CCSER2: variants seen among roughly 807,000 people sequenced by gnomAD.
The protein encoded by CCSER2 is serine-rich coiled-coil domain-containing protein 2.
In CCSER2, 46 loss-of-function variants were observed where a neutral mutation model predicts 92.3. That is an observed-to-expected ratio of 0.50 (90% CI 0.39 to 0.64). The LOEUF (loss-of-function observed/expected upper bound fraction) is 0.64, where lower values mean the gene tolerates loss of function less well. Among genes scored for constraint, CCSER2 ranks in the 30% least tolerant of loss-of-function variants. The probability of loss-of-function intolerance (pLI) is 0.00; values close to 1 mark genes in which losing one functional copy is unlikely to be tolerated. For synonymous variants in CCSER2, 433 were observed against 431.4 expected (o/e 1.00, Z -0.04); for missense variants, 1,244 against 1,238.9 (o/e 1.00, Z -0.06).
chr10:84,442,231 A>G (rs1313022587), intron 6 of CCSER2, among the ~76,000 whole-genome samples: 1 of 152,184 alleles, frequency 6.6e-6, no homozygotes, highest in Non-Finnish European at 1.5e-5. Flanking sequence ...TTAGTGTCCT[A>G]AAAAGATGGT....
chr10:84,457,409 T>A lies in CCSER2; in HGVS notation c.2065-6524T>A, dbSNP rs1380680274. On this transcript the variant is annotated intron_variant, in intron 6 of 9. Coordinates refer to ENST00000372088, the MANE Select transcript of CCSER2 (RefSeq NM_001284240.2). ...TATATATTTATTTAAATATATATTT[T>A]AAAAAATATATTTAAAATTATATTT... 2.6e-4 allele frequency among the ~76,000 whole-genome samples: 19 copies of A among 72,644 alleles called. No homozygotes were observed. In the East Asian group the frequency reaches 4.4e-3, roughly 17 times the overall value. The allele number at this position is 72,644 out of a possible 152,430, so 47.7% of individuals were successfully genotyped here. A position where few individuals can be genotyped will look rare whatever the true frequency, so the allele number is the denominator to read the frequency against.
intron 3 of CCSER2, among the ~76,000 whole-genome samples, chr10:84,384,359 C>T (rs1272129627): frequency 1.3e-5 from 2 of 152,092 alleles, no homozygotes; most frequent in Non-Finnish European, 2.9e-5. Context: ...TTGATGAACA[C>T]ACATGCAAAA....
chr10:84,404,562 A>T (rs1842282150), intron 3 of CCSER2, among the ~76,000 whole-genome samples: 1 of 152,218 alleles, frequency 6.6e-6, no homozygotes, highest in South Asian at 2.1e-4. Flanking sequence ...CTGGTGGGCC[A>T]CCACAGTCGA....
chr10:84,347,966 A>C (rs932939860), intron 1 of CCSER2, among the ~76,000 whole-genome samples: 42 of 151,758 alleles, frequency 2.8e-4, no homozygotes, highest in Non-Finnish European at 3.7e-4. Flanking sequence ...CTCACTTCCC[A>C]GACTGGGCAG....
At chr10:84,347,236 C>A (rs1185569608) in intron 1 of CCSER2, among the ~76,000 whole-genome samples, 16 of 152,248 alleles carry the variant, frequency 1.1e-4, no homozygotes, top group Admixed American at 1.0e-3. Flanking sequence ...ACCTTTCCCC[C>A]TTTTCTATTT....
At chr10:84,434,743 A>G (rs1446843816) in intron 5 of CCSER2, among the ~76,000 whole-genome samples, 3 of 152,134 alleles carry the variant, frequency 2.0e-5, no homozygotes, top group Admixed American at 2.0e-4. Flanking sequence ...ATATTACCTC[A>G]TTTAAGTCTT....
Position 84,468,742 on chromosome 10 carries a change from A to G in CCSER2, c.2149-1630A>G, listed in dbSNP as rs150189705. ...ATTGTAAACTTGTTAACTTTCAGAT[A>G]ACACCTTGTTATAGGTTTTCTCTTT... On this transcript the variant is annotated intron_variant, in intron 7 of 9. Transcript: ENST00000372088. Among the ~76,000 whole-genome samples the G allele has an allele frequency of 8.5e-4, 128 of 151,102 alleles. 1 individual carries two copies. Among genetic ancestry groups the G allele is most frequent in the Middle Eastern group, 3.4e-3 (1 of 294 alleles).
At chr10:84,489,336 G>A (rs1242738122) in intron 9 of CCSER2, among the ~76,000 whole-genome samples, 2 of 152,074 alleles carry the variant, frequency 1.3e-5, no homozygotes, top group African/African-American at 2.4e-5. Context: ...TTGACAGTGG[G>A]GTGTTAAAGT....
At chr10:84,346,317 G>A (rs1398158808) in intron 1 of CCSER2, among the ~76,000 whole-genome samples, 2 of 151,972 alleles carry the variant, frequency 1.3e-5, no homozygotes, top group Non-Finnish European at 2.9e-5. Flanking sequence ...GCCTACCTTG[G>A]CCTCCCAAAG....
intron 8 of CCSER2, among the ~76,000 whole-genome samples, chr10:84,476,613 T>G (rs1847163355): frequency 6.6e-6 from 1 of 151,752 alleles, no homozygotes. Flanking sequence ...CCGGCAAATT[T>G]TTTGTATTTT....
intron 9 of CCSER2, among the ~76,000 whole-genome samples, chr10:84,504,599 C>G (rs1848948042): frequency 6.6e-6 from 1 of 152,146 alleles, no homozygotes. Context: ...GATAATCTTT[C>G]TAAGAGCTAC....
At chr10:84,491,313 G>T (rs1848149343) in intron 9 of CCSER2, among the ~76,000 whole-genome samples, 1 of 152,210 alleles carries the variant, frequency 6.6e-6, no homozygotes, top group Admixed American at 6.5e-5. Flanking sequence ...GCTGCCTTTT[G>T]TTTGGCTGTG....
intron 9 of CCSER2, among the ~76,000 whole-genome samples, chr10:84,501,700 A>G (rs1199801111): frequency 7.0e-6 from 1 of 142,142 alleles, no homozygotes; most frequent in African/African-American, 2.5e-5. Flanking sequence ...AATTCCTACA[A>G]TACTAGTAAG....
At chr10:84,406,436 CATTT>C (rs1213673144) in intron 3 of CCSER2, among the ~76,000 whole-genome samples, 2 of 152,178 alleles carry the variant, frequency 1.3e-5, no homozygotes, top group East Asian at 1.9e-4. Context: ...TGGTGTCATT[CATTT>C]GTCAGAAACA....
intron 1 of CCSER2, among the ~76,000 whole-genome samples, chr10:84,355,915 C>A (rs939001156): frequency 6.6e-6 from 1 of 151,976 alleles, no homozygotes; most frequent in African/African-American, 2.4e-5. Flanking sequence ...CCAGCGTGGC[C>A]AACATGGTGA....
At chr10:84,329,912 G>T (rs1218291407) in intron 1 of CCSER2, among the ~76,000 whole-genome samples, 1 of 152,060 alleles carries the variant, frequency 6.6e-6, no homozygotes, top group Non-Finnish European at 1.5e-5. Flanking sequence ...AACAACATTG[G>T]CTTCAAATAA....
chr10:84,366,674 A>T (rs1589454276), intron 1 of CCSER2, among the ~76,000 whole-genome samples: 1 of 152,212 alleles, frequency 6.6e-6, no homozygotes, highest in South Asian at 2.1e-4. Flanking sequence ...GCAATGACAA[A>T]TAACGTATCT....
Position 84,405,346 on chromosome 10 carries a change from A to AAAGAAAAC in CCSER2, c.1615-12424_1615-12423insAGAAAACA, listed in dbSNP as rs1452392419. 7.2e-3 allele frequency among the ~76,000 whole-genome samples: 1,091 copies of AAAGAAAAC among 152,340 alleles called. 34 individuals are homozygous for AAAGAAAAC. The highest frequency in any genetic ancestry group is 0.055 in the Admixed American group (840 of 15,290). ...TTATTCCAAAATCGATCTTTGGTGT[A>AAAGAAAAC]ATTGTGAAGTGTAAAACTGTAAGAA... is the stretch of plus-strand genomic sequence containing the variant. On this transcript the variant is annotated intron_variant, in intron 3 of 9. Coordinates refer to ENST00000372088, the MANE Select transcript of CCSER2 (RefSeq NM_001284240.2).
intron 4 of CCSER2, among the ~76,000 whole-genome samples, chr10:84,418,724 C>T (rs1201411123): frequency 6.6e-6 from 1 of 152,192 alleles, no homozygotes; most frequent in Admixed American, 6.5e-5. Flanking sequence ...TGCTTTACTA[C>T]AAGCTTATAT....
Sources: gnomAD v4.1 joint callset for allele counts (sites outside exome capture counted in the v4.1 genomes callset) on GRCh38, gnomAD v4.1.1 for gene constraint, MANE v1.5 for transcripts, NCBI Gene and HGNC (gene_info 2026-07-23, HGNC 2026-07-21) for gene names.